ABCC2: variants seen among roughly 807,000 people sequenced by gnomAD.
ABCC2 encodes ATP binding cassette subfamily C member 2.
Under a neutral mutation model 173.4 loss-of-function variants are expected in ABCC2, and 157 were observed. The ratio of observed to expected loss-of-function variants is 0.91; its 90% CI spans 0.80 to 1.03. ABCC2 has a LOEUF of 1.03. ABCC2 is among the 50% of genes least tolerant of loss of function. The probability of loss-of-function intolerance (pLI) is 0.00; values close to 1 mark genes in which losing one functional copy is unlikely to be tolerated. For missense variants in ABCC2, 1,822 were observed against 1,852.3 expected (o/e 0.98, Z 0.30); for synonymous variants, 657 against 693.5 (o/e 0.95, Z 0.83).
rs1564685593 is a variant in ABCC2, at chr10:99,814,622, T to TACACACATATGTGTATATACACATATAC, written c.2094+1513_2094+1540dup. Among the ~76,000 whole-genome samples, 37 of 22,558 alleles carry TACACACATATGTGTATATACACATATAC rather than the reference T, an allele frequency of 1.6e-3. 13 individuals carry two copies. Among genetic ancestry groups the TACACACATATGTGTATATACACATATAC allele is most frequent in the Non-Finnish European group, 2.0e-3 (27 of 13,776 alleles). 14.8% of individuals were successfully genotyped at this position (22,558 alleles called of 152,430 possible). On this transcript the variant is annotated intron_variant, in intron 16 of 31. Transcript: ENST00000647814. ...ACACACATATGTGTATATACACATATACACACATATGTGTATATACACATA... is the reference window on the plus strand; with the variant it reads ...ACACACATATGTGTATATACACATATACACACATATGTGTATATACACATATACACACACATATGTGTATATACACATA...
chr10:99,830,499 C>T lies in ABCC2; in HGVS notation c.2747+66C>T, dbSNP rs1272295448. 4.3e-6 allele frequency: 7 copies of T among 1,610,432 alleles called. No individual in the cohort carries two copies. In the East Asian group the frequency reaches 1.6e-4, roughly 36 times the overall value. On this transcript the variant is annotated intron_variant, in intron 20 of 31. Coordinates refer to ENST00000647814, the MANE Select transcript of ABCC2 (RefSeq NM_000392.5). The stretch of plus-strand genomic sequence containing the variant: ...ATTTCCACTTGATCTTTTTCTTTTT[C>T]TTCCTGGGCTTTTCCTGTGAGGGTT...
At chr10:99,814,309 G>GTATA (rs144756612) in intron 16 of ABCC2, among the ~76,000 whole-genome samples, 2 of 43,774 alleles carry the variant, frequency 4.6e-5, no homozygotes, top group African/African-American at 9.2e-5. Flanking sequence ...ATACACACAT[G>GTATA]TATATACACA....
intron 21 of ABCC2, 51 bp downstream of exon 21, chr10:99,830,902 C>G: frequency 6.2e-7 from 1 of 1,609,778 alleles, no homozygotes; most frequent in East Asian, 2.2e-5. Context: ...GGTTTAGAAC[C>G]CAAAATTTTT....
intron 9 of ABCC2, among the ~76,000 whole-genome samples, chr10:99,801,736 C>A (rs1295970546): frequency 1.3e-5 from 2 of 152,194 alleles, no homozygotes; most frequent in Non-Finnish European, 2.9e-5. Flanking sequence ...AGTTGACTTT[C>A]TTCCTTTTTT....
intron 7 of ABCC2, chr10:99,798,157 T>A (rs1309757481): frequency 1.3e-5 from 2 of 152,272 alleles, no homozygotes; most frequent in Non-Finnish European, 2.9e-5. Context: ...GAGACTGGAT[T>A]CATGCTGTGA....
chr10:99,787,057 A>C (rs1485904068), intron 2 of ABCC2, among the ~76,000 whole-genome samples: 9 of 151,140 alleles, frequency 6.0e-5, no homozygotes, highest in Non-Finnish European at 2.9e-5. Context: ...AACCCCAGCT[A>C]CTCAGGTGGC....
rs577353173 is a variant in ABCC2 at position 99,836,275 on chromosome 10, G to T, written c.3599G>T (p.Trp1200Leu). ...IDTNQKCVFS[W>L]ITSNRWLAIR... ...ACCAACCAGAAATGTGTCTTTTCCT[G>T]GATCACCTCCAACAGGTGAGGCTTC... The change falls in exon 25 of 32, where the codon TGG becomes TTG. Residue 1200 changes from tryptophan (W) to leucine (L), a missense_variant. Physicochemically the swap from Trp to Leu is moderately conservative, Grantham distance 61. Transcript: ENST00000647814. 4 of 1,614,142 alleles carry T rather than the reference G, an allele frequency of 2.5e-6. No individual in the cohort carries two copies. In the East Asian group the frequency reaches 8.9e-5, roughly 36 times the overall value.
At chr10:99,832,842 C>A (rs765685567) in intron 23 of ABCC2, among the ~76,000 whole-genome samples, 15 of 152,226 alleles carry the variant, frequency 9.9e-5, no homozygotes, top group Non-Finnish European at 1.9e-4. Context: ...TGAGCACTTT[C>A]TATGAGCCAA....
At chr10:99,802,296 C>T (rs1029415547) in intron 9 of ABCC2, among the ~76,000 whole-genome samples, 2 of 152,120 alleles carry the variant, frequency 1.3e-5, no homozygotes, top group Non-Finnish European at 2.9e-5. Context: ...TTTTTACATT[C>T]ATTATCAATT....
At position 99,816,103 on chromosome 10, in the gene ABCC2, G is replaced by A. The variant is rs527801991; in HGVS notation, c.2095-1205G>A. The stretch of plus-strand genomic sequence containing the variant: ...CTGCCTCAGCCTCCCAAGTAGCTGG[G>A]ATTACAGGCACATGCCACCATGCCC... On this transcript the variant is annotated intron_variant, in intron 16 of 31. Transcript: ENST00000647814. 2.6e-5 allele frequency among the ~76,000 whole-genome samples: 4 copies of A among 151,768 alleles called. No individual in the cohort carries two copies. In the South Asian group the frequency reaches 8.3e-4, roughly 32 times the overall value.
chr10:99,805,255 C>T (rs1404394895), intron 10 of ABCC2, 127 bp from the exon 11 acceptor site: 2 of 761,698 alleles, frequency 2.6e-6, no homozygotes, highest in Non-Finnish European at 2.3e-6. Flanking sequence ...TGAATCCCAT[C>T]ACTGGGCACC....
chr10:99,805,234 G>A, intron 10 of ABCC2, 148 bp from the exon 11 acceptor site: 2 of 686,112 alleles, frequency 2.9e-6, no homozygotes, highest in South Asian at 3.1e-5. Context: ...AAAGAGGAGA[G>A]TGGAGGGAGG....
chr10:99,795,801 A>AAGTTAGAG (rs2037902311), intron 6 of ABCC2, among the ~76,000 whole-genome samples: 1 of 102,288 alleles, frequency 9.8e-6, no homozygotes, highest in Non-Finnish European at 2.1e-5. Flanking sequence ...GAAAGAAAGA[A>AAGTTAGAG]AGATTTCTAA....
Position 99,804,087 on chromosome 10 carries a change from G to A in ABCC2, c.1278G>A (p.Val426=), listed in dbSNP as rs781271297. The A allele has an allele frequency of 1.2e-6, 2 of 1,614,182 alleles. No homozygotes were observed. The highest frequency in any genetic ancestry group is 1.7e-6 in the Non-Finnish European group (2 of 1,180,024). The change falls in exon 10 of 32, where the codon GTG becomes GTA. Residue 426 remains valine, a synonymous_variant. Coordinates refer to ENST00000647814, the MANE Select transcript of ABCC2 (RefSeq NM_000392.5). ...TVGETVNLMS[V]DAQKLMDVTN... is the part of the protein sequence containing the mutation. ...GAGAAACAGTGAACCTGATGTCTGT[G>A]GATGCCCAGAAGCTCATGGATGTGA...
rs1747949074 is a variant in ABCC2, at chr10:99,793,679, C to A, written c.462C>A (p.Leu154=). ...AATTTCAGACTCTGATCCGGACACTCTTACAGGTAAGGAAAAAAAGAGTGG... is the reference window on the plus strand; with the variant it reads ...AATTTCAGACTCTGATCCGGACACTATTACAGGTAAGGAAAAAAAGAGTGG... The part of the protein sequence containing the change: ...TFQFQTLIRT[L]LQGDNSNLAY... The change falls in exon 4 of 32, where the codon CTC becomes CTA. Residue 154 remains leucine (L), a synonymous_variant. Transcript: ENST00000647814. The A allele has an allele frequency of 6.8e-6, 11 of 1,613,972 alleles. No homozygotes were observed. In the South Asian group the frequency reaches 9.9e-5, roughly 14 times the overall value.
At chr10:99,814,697 A>ATACACACACG (rs2038360356) in intron 16 of ABCC2, among the ~76,000 whole-genome samples, 2 of 141,622 alleles carry the variant, frequency 1.4e-5, no homozygotes, top group African/African-American at 5.2e-5. Flanking sequence ...GTATATACAC[A>ATACACACACG]TATATGTGTA....
chr10:99,850,543 G>T, intron 30 of ABCC2, 59 bp from the exon 31 acceptor site: 1 of 1,553,388 alleles, frequency 6.4e-7, no homozygotes, highest in South Asian at 1.1e-5. Context: ...TGGTCCCCCT[G>T]CCCTGCGTCT....
At chr10:99,827,910 G>A (rs539035271) in intron 19 of ABCC2, among the ~76,000 whole-genome samples, 8 of 79,566 alleles carry the variant, frequency 1.0e-4, no homozygotes, top group Admixed American at 1.4e-4. Context: ...CAATGACCAC[G>A]CTCGAGCGTA....
intron 25 of ABCC2, among the ~76,000 whole-genome samples, chr10:99,839,140 C>T (rs1364414942): frequency 4.9e-5 from 6 of 123,508 alleles, no homozygotes; most frequent in South Asian, 2.5e-4. Flanking sequence ...GGCGGGGGGC[C>T]GACCCCCCCA....
Sources: gnomAD v4.1 joint callset for allele counts (sites outside exome capture counted in the v4.1 genomes callset) on GRCh38, gnomAD v4.1.1 for gene constraint, MANE v1.5 for transcripts, NCBI Gene and HGNC (gene_info 2026-07-23, HGNC 2026-07-21) for gene names.